KCNMA1: variants seen among roughly 807,000 people sequenced by gnomAD.
KCNMA1 encodes potassium calcium-activated channel subfamily M alpha 1.
A neutral mutation model predicts 140.0 loss-of-function variants in KCNMA1; 29 were observed. The observed-to-expected ratio is 0.21, with a 90% CI of 0.15 to 0.28. KCNMA1 has a LOEUF of 0.28. Ranked by LOEUF, KCNMA1 falls within the 10% of genes least tolerant of loss-of-function variation. The pLI, the probability that KCNMA1 is intolerant of heterozygous loss-of-function variation, is 1.00. For synonymous variants in KCNMA1, 612 were observed against 611.9 expected (o/e 1.00, Z 0.00); for missense variants, 880 against 1,602.2 (o/e 0.55, Z 7.70).
intron 19 of KCNMA1, among the ~76,000 whole-genome samples, chr10:76,979,228 G>A (rs995754346): frequency 2.6e-5 from 4 of 152,156 alleles, no homozygotes; most frequent in African/African-American, 9.7e-5. Context: ...ACACTTCCTC[G>A]TGGATTTACA....
At chr10:77,047,970 T>C (rs2095169684) in intron 14 of KCNMA1, among the ~76,000 whole-genome samples, 1 of 152,024 alleles carries the variant, frequency 6.6e-6, no homozygotes, top group African/African-American at 2.4e-5. Context: ...CTAATATCCA[T>C]TCTTTTGCAA....
intron 16 of KCNMA1, among the ~76,000 whole-genome samples, chr10:77,027,010 G>C (rs973616006): frequency 6.6e-6 from 1 of 152,158 alleles, no homozygotes; most frequent in Non-Finnish European, 1.5e-5. Flanking sequence ...TAGACTGTGG[G>C]TGTCATTTCA....
intron 1 of KCNMA1, among the ~76,000 whole-genome samples, chr10:77,627,313 G>A (rs1169497075): frequency 2.0e-5 from 3 of 152,132 alleles, no homozygotes; most frequent in Admixed American, 6.5e-5. Flanking sequence ...CAACCCCCAC[G>A]TGAAACTGAG....
rs534989728 is a variant in KCNMA1, at chr10:77,233,502, T to C, written c.602+17693A>G. Among the ~76,000 whole-genome samples, 6 of 152,356 alleles carry C rather than the reference T, an allele frequency of 3.9e-5. No homozygotes were observed. The East Asian group carries it at 9.7e-4, about 25-fold the overall frequency. ...TAGGGAGCCAAAGGCCCATGGGACA[T>C]GACCAACTCAGCATTCCACTGGAGG... On this transcript the variant is annotated intron_variant, in intron 3 of 27. Transcript: ENST00000286628.
At chr10:76,890,415 T>C (rs1404855075) in intron 26 of KCNMA1, among the ~76,000 whole-genome samples, 1 of 152,180 alleles carries the variant, frequency 6.6e-6, no homozygotes, top group Non-Finnish European at 1.5e-5. Context: ...CAAAGAACAC[T>C]GATGGGACCA....
chr10:77,203,325 G>A (rs1028568059), intron 3 of KCNMA1, among the ~76,000 whole-genome samples: 4 of 152,082 alleles, frequency 2.6e-5, no homozygotes, highest in African/African-American at 4.8e-5. Context: ...AAGAATGGAC[G>A]GGCTGCTGCA....
At chr10:77,311,972 C>T (rs1453933974) in intron 2 of KCNMA1, among the ~76,000 whole-genome samples, 1 of 152,256 alleles carries the variant, frequency 6.6e-6, no homozygotes, top group Non-Finnish European at 1.5e-5. Context: ...TGTCATGGCA[C>T]CGCACCCAGC....
intron 2 of KCNMA1, among the ~76,000 whole-genome samples, chr10:77,345,051 T>C (rs2091878304): frequency 3.3e-5 from 5 of 152,230 alleles, no homozygotes; most frequent in Admixed American, 3.3e-4. Context: ...CTCAAGGTTA[T>C]ACAGATATTG....
chr10:77,488,211 A>G (rs2098484082), intron 1 of KCNMA1, among the ~76,000 whole-genome samples: 1 of 152,202 alleles, frequency 6.6e-6, no homozygotes, highest in Non-Finnish European at 1.5e-5. Context: ...GCCAACAGGA[A>G]GAAAGGCCAC....
chr10:77,452,607 T>C (rs2097684692), intron 1 of KCNMA1, among the ~76,000 whole-genome samples: 1 of 152,228 alleles, frequency 6.6e-6, no homozygotes, highest in Non-Finnish European at 1.5e-5. Flanking sequence ...GAAGTTTCTG[T>C]CTGCCCATGA....
At chr10:77,406,083 T>C (rs914890784) in intron 1 of KCNMA1, among the ~76,000 whole-genome samples, 5 of 152,170 alleles carry the variant, frequency 3.3e-5, no homozygotes, top group African/African-American at 7.2e-5. Flanking sequence ...GGGAGGCCAC[T>C]GGGCAGATGT....
intron 3 of KCNMA1, among the ~76,000 whole-genome samples, chr10:77,200,515 A>T (rs2042116910): frequency 6.6e-6 from 1 of 152,016 alleles, no homozygotes; most frequent in Admixed American, 6.6e-5. Flanking sequence ...GGAAGAGGGG[A>T]TTAGGTCCAC....
Position 77,571,819 on chromosome 10 carries a change from G to A in KCNMA1, c.378+65446C>T, listed in dbSNP as rs554475381. ...AGAGCCTAGATCTGTGCTTTTTCCC[G>A]TACCTAATTTAAAGCTAGATACACC... On this transcript the variant is annotated intron_variant, in intron 1 of 27. Transcript: ENST00000286628. 2.1e-4 allele frequency among the ~76,000 whole-genome samples: 32 copies of A among 152,106 alleles called. 1 individual carries two copies. Among genetic ancestry groups the A allele is most frequent in the Non-Finnish European group, 3.7e-4 (25 of 68,026 alleles).
At position 77,349,315 on chromosome 10, in the gene KCNMA1, G is replaced by A. The variant is rs1249699247; in HGVS notation, c.540+54547C>T. On this transcript the variant is annotated intron_variant, in intron 2 of 27. Transcript: ENST00000286628. ...TGAACCAGACAGCGGGCCCTCACCA[G>A]ACACCAAATCTGCTGGTGTCTTGAC... Among the ~76,000 whole-genome samples, 4 of 152,154 alleles carry A rather than the reference G, an allele frequency of 2.6e-5. No homozygotes were observed. The East Asian group carries it at 5.8e-4, about 22-fold the overall frequency.
At position 77,637,472 on chromosome 10, in the gene KCNMA1, GGAGGAAGAGGAGGAGGAAGAAGAAGAA is replaced by G. The variant is rs2093881834; in HGVS notation, c.144_170del (p.Ser52_Ser60del). 6.2e-7 allele frequency: 1 copy of G among 1,603,024 alleles called. No individual in the cohort carries two copies. Among genetic ancestry groups the G allele is most frequent in the African/African-American group, 1.3e-5 (1 of 74,866 alleles). On this transcript the variant is annotated inframe_deletion, in exon 1 of 28. Coordinates refer to ENST00000286628, the MANE Select transcript of KCNMA1 (RefSeq NM_001161352.2). ...TCTTGGGCTCGTGGACCGAGGACGA[GGAGGAAGAGGAGGAGGAAGAAGAAGAA>G]GAGGAAGAGGAGGAGGAGGAGGAGG...
chr10:77,450,780 G>T (rs1458124931), intron 1 of KCNMA1, among the ~76,000 whole-genome samples: 2 of 152,174 alleles, frequency 1.3e-5, no homozygotes, highest in African/African-American at 4.8e-5. Flanking sequence ...CAAAGTAGTA[G>T]ACCTGAAATG....
intron 1 of KCNMA1, among the ~76,000 whole-genome samples, chr10:77,453,950 G>A (rs925874714): frequency 1.3e-5 from 2 of 152,114 alleles, no homozygotes; most frequent in African/African-American, 2.4e-5. Context: ...GAATAGCAGC[G>A]TCTCTGTAGT....
chr10:77,355,400 TTCCGTGGCA>T (rs1002814464), intron 2 of KCNMA1, among the ~76,000 whole-genome samples: 14 of 152,208 alleles, frequency 9.2e-5, no homozygotes, highest in African/African-American at 3.1e-4. Context: ...ATGTTCTCTG[TTCCGTGGCA>T]GCAGTGATGG....
At chr10:77,227,382 A>G (rs758542460) in intron 3 of KCNMA1, among the ~76,000 whole-genome samples, 1 of 152,234 alleles carries the variant, frequency 6.6e-6, no homozygotes, top group Non-Finnish European at 1.5e-5. Context: ...CCAGTGACTC[A>G]GAAGGTACTG....
Sources: allele counts gnomAD v4.1 joint callset (sites outside exome capture counted in the v4.1 genomes callset), GRCh38; gene constraint gnomAD v4.1.1; transcripts MANE v1.5; gene names NCBI Gene and HGNC (gene_info 2026-07-23, HGNC 2026-07-21).